Variants in PEBP4 observed in about 807,000 individuals in gnomAD.
PEBP4 encodes phosphatidylethanolamine binding protein 4, also known as phosphatidylethanolamine-binding protein 4.
In PEBP4, 22 loss-of-function variants were observed where a neutral mutation model predicts 23.9. The ratio of observed to expected loss-of-function variants is 0.92; its 90% CI spans 0.66 to 1.31. The LOEUF (loss-of-function observed/expected upper bound fraction) is 1.31, where lower values mean the gene tolerates loss of function less well. Ranked by LOEUF, PEBP4 falls within the 40% of genes most tolerant of loss-of-function variation. The probability of loss-of-function intolerance (pLI) is 0.00; values close to 1 mark genes in which losing one functional copy is unlikely to be tolerated. For missense variants in PEBP4, 324 were observed against 281.7 expected (o/e 1.15, Z -1.07); for synonymous variants, 112 against 99.3 (o/e 1.13, Z -0.76).
intron 4 of PEBP4, among the ~76,000 whole-genome samples, chr8:22,771,032 GCT>G (rs921699107): frequency 6.6e-6 from 1 of 152,244 alleles, no homozygotes; most frequent in Non-Finnish European, 1.5e-5. Context: ...AAACCGTGAT[GCT>G]TGGTGAAATG....
At chr8:22,787,318 C>T (rs1806048726) in intron 4 of PEBP4, among the ~76,000 whole-genome samples, 1 of 152,060 alleles carries the variant, frequency 6.6e-6, no homozygotes, top group Admixed American at 6.6e-5. Context: ...ATACACCAGC[C>T]AGGTTAGCAT....
At chr8:22,889,007 T>C (rs1237386204) in intron 3 of PEBP4, among the ~76,000 whole-genome samples, 3 of 152,240 alleles carry the variant, frequency 2.0e-5, no homozygotes, top group African/African-American at 4.8e-5. Context: ...CACTGAGAAG[T>C]ACCTCTCATA....
chr8:22,765,043 T>A (rs898984854), intron 4 of PEBP4, among the ~76,000 whole-genome samples: 1 of 152,096 alleles, frequency 6.6e-6, no homozygotes, highest in African/African-American at 2.4e-5. Flanking sequence ...GAGCCAAGCA[T>A]TCCCTCTCTC....
At chr8:22,903,583 C>T (rs1355391571) in intron 3 of PEBP4, among the ~76,000 whole-genome samples, 1 of 152,164 alleles carries the variant, frequency 6.6e-6, no homozygotes, top group Non-Finnish European at 1.5e-5. Flanking sequence ...TGCAGAAAAA[C>T]AAGTTCCATC....
intron 4 of PEBP4, among the ~76,000 whole-genome samples, chr8:22,805,950 C>T (rs7838880): frequency 0.02 from 3,021 of 152,218 alleles, 41 homozygotes; most frequent in Non-Finnish European, 0.03. Context: ...TATAACTCTT[C>T]AATGGTCTGA....
At chr8:22,748,621 G>A (rs748414529) in intron 4 of PEBP4, among the ~76,000 whole-genome samples, 22 of 152,106 alleles carry the variant, frequency 1.4e-4, no homozygotes, top group African/African-American at 4.8e-4. Context: ...GAACAAGGAG[G>A]GGGTGTGACT....
intron 3 of PEBP4, among the ~76,000 whole-genome samples, chr8:22,861,160 A>G (rs527703712): frequency 1.4e-4 from 22 of 152,322 alleles, no homozygotes; most frequent in Non-Finnish European, 3.2e-4. Flanking sequence ...GTTTTTGTCC[A>G]GGGCCTCAGG....
At chr8:22,840,732 T>C (rs1330991526) in intron 3 of PEBP4, among the ~76,000 whole-genome samples, 1 of 152,248 alleles carries the variant, frequency 6.6e-6, no homozygotes, top group Non-Finnish European at 1.5e-5. Flanking sequence ...TACATCGCAC[T>C]GGCTTTTGGT....
chr8:22,880,997 C>T (rs1001630026), intron 3 of PEBP4, among the ~76,000 whole-genome samples: 1 of 152,218 alleles, frequency 6.6e-6, no homozygotes, highest in African/African-American at 2.4e-5. Flanking sequence ...GGACTGACCC[C>T]CATGGCTGCA....
At chr8:22,938,480 C>T (rs1458555873) in intron 1 of PEBP4, among the ~76,000 whole-genome samples, 17 of 152,094 alleles carry the variant, frequency 1.1e-4, no homozygotes, top group Admixed American at 1.1e-3. Context: ...TCCACCAGGA[C>T]AGTATAATAG....
chr8:22,801,049 C>A (rs555876955), intron 4 of PEBP4, among the ~76,000 whole-genome samples: 6 of 152,276 alleles, frequency 3.9e-5, no homozygotes, highest in African/African-American at 1.4e-4. Flanking sequence ...TTAATCCTAA[C>A]CTTCTTCTAC....
intron 3 of PEBP4, among the ~76,000 whole-genome samples, chr8:22,882,058 G>C (rs768797625): frequency 3.9e-5 from 6 of 152,214 alleles, no homozygotes; most frequent in Non-Finnish European, 7.3e-5. Flanking sequence ...ACATGTGGCT[G>C]TCACTGGTTT....
rs773236663 is a variant in PEBP4, at chr8:22,724,832, G to A, written c.517+11C>T. The A allele has an allele frequency of 3.1e-5, 49 of 1,595,384 alleles. No individual in the cohort carries two copies. Among genetic ancestry groups the A allele is most frequent in the Non-Finnish European group, 3.9e-5 (45 of 1,163,198 alleles). ...ACCCCGGTGGTGGCTGGAAGGATGG[G>A]GAGGTCTTACCTCGAGTTTTGTTTT... On this transcript the variant is annotated intron_variant, in intron 6 of 6. Coordinates refer to ENST00000256404, the MANE Select transcript of PEBP4 (RefSeq NM_144962.3).
intron 4 of PEBP4, among the ~76,000 whole-genome samples, chr8:22,781,847 G>A (rs1257980522): frequency 2.0e-5 from 3 of 152,214 alleles, no homozygotes; most frequent in African/African-American, 7.2e-5. Flanking sequence ...CCCTGGGGAA[G>A]AGGGGGAGCC....
intron 4 of PEBP4, among the ~76,000 whole-genome samples, chr8:22,801,871 C>A (rs1254520250): frequency 2.6e-5 from 4 of 152,146 alleles, no homozygotes. Flanking sequence ...GTTAATAAGG[C>A]TCATTTGCTT....
chr8:22,733,389 A>G (rs1424425360), intron 4 of PEBP4, among the ~76,000 whole-genome samples: 2 of 152,178 alleles, frequency 1.3e-5, no homozygotes, highest in Non-Finnish European at 2.9e-5. Flanking sequence ...GGTCTTTCAT[A>G]GACTTGAGGG....
At chr8:22,917,876 G>A (rs750281961) in intron 3 of PEBP4, among the ~76,000 whole-genome samples, 3 of 152,130 alleles carry the variant, frequency 2.0e-5, no homozygotes, top group Non-Finnish European at 4.4e-5. Context: ...TAAGGCTGTT[G>A]GGGCCATCTT....
At chr8:22,779,910 G>T (rs933905616) in intron 4 of PEBP4, among the ~76,000 whole-genome samples, 1 of 152,060 alleles carries the variant, frequency 6.6e-6, no homozygotes, top group Non-Finnish European at 1.5e-5. Context: ...GCCAGGGAAA[G>T]TTAAAAGCAG....
intron 4 of PEBP4, among the ~76,000 whole-genome samples, chr8:22,745,158 G>T (rs925097626): frequency 2.0e-5 from 3 of 152,196 alleles, no homozygotes; most frequent in African/African-American, 7.2e-5. Flanking sequence ...GGAAAAGCCC[G>T]TCTAGATCTT....
Sources: gnomAD v4.1 joint callset for allele counts (sites outside exome capture counted in the v4.1 genomes callset) on GRCh38, gnomAD v4.1.1 for gene constraint, MANE v1.5 for transcripts, NCBI Gene and HGNC (gene_info 2026-07-23, HGNC 2026-07-21) for gene names.